The following COL13A1 variants were observed in gnomAD, a reference collection of about 807,000 sequenced individuals.
COL13A1 encodes collagen type XIII alpha 1 chain.
A neutral mutation model predicts 130.9 loss-of-function variants in COL13A1; 89 were observed. The ratio of observed to expected loss-of-function variants is 0.68; its 90% CI spans 0.57 to 0.81. The LOEUF is 0.81. COL13A1 is among the 30% of genes least tolerant of loss of function. The pLI, the probability that COL13A1 is intolerant of heterozygous loss-of-function variation, is 0.00. For missense variants in COL13A1, 879 were observed against 934.6 expected (o/e 0.94, Z 0.78); for synonymous variants, 402 against 341.6 (o/e 1.18, Z -1.95).
intron 17 of COL13A1, among the ~76,000 whole-genome samples, chr10:69,906,227 A>T (rs1357184126): frequency 6.6e-6 from 1 of 152,214 alleles, no homozygotes; most frequent in Non-Finnish European, 1.5e-5. Context: ...CAGCCTGAGA[A>T]CTCAACCTTG....
chr10:69,854,586 C>A (rs1033917752), intron 2 of COL13A1, among the ~76,000 whole-genome samples: 4 of 150,408 alleles, frequency 2.7e-5, no homozygotes, highest in Admixed American at 6.6e-5. Context: ...TGGTTCCTGT[C>A]ATTTCTGCTT....
At chr10:69,902,333 G>A (rs10999020) in intron 14 of COL13A1, among the ~76,000 whole-genome samples, 24,333 of 152,166 alleles carry the variant, frequency 0.16, 2,100 homozygotes, top group Admixed American at 0.24. Flanking sequence ...TGAGAGACTG[G>A]GGCTTAGGGA....
intron 23 of COL13A1, 97 bp from the exon 24 acceptor site, chr10:69,923,705 C>A: frequency 1.4e-6 from 2 of 1,468,672 alleles, no homozygotes; most frequent in East Asian, 5.0e-5. Context: ...AAGTCCAAGG[C>A]AACATCTAGG....
intron 40 of COL13A1, among the ~76,000 whole-genome samples, chr10:69,958,322 G>T (rs1431308656): frequency 6.6e-6 from 1 of 152,178 alleles, no homozygotes; most frequent in Non-Finnish European, 1.5e-5. Context: ...GCTTAGCAGG[G>T]GAAGAACAGC....
At chr10:69,894,407 C>G (rs1043195240) in intron 10 of COL13A1, 145 bp from the exon 11 acceptor site, 13 of 901,900 alleles carry the variant, frequency 1.4e-5, no homozygotes, top group Non-Finnish European at 2.2e-5. Context: ...AATAAGACAT[C>G]TTGAATGTGG....
intron 2 of COL13A1, among the ~76,000 whole-genome samples, chr10:69,854,847 C>T (rs1398586287): frequency 6.6e-6 from 1 of 152,110 alleles, no homozygotes; most frequent in Admixed American, 6.5e-5. Flanking sequence ...AGGTACTCAG[C>T]GCAGGGCTTG....
intron 14 of COL13A1, 35 bp from the exon 15 acceptor site, chr10:69,902,713 G>T (rs573195243): frequency 6.6e-7 from 1 of 1,520,458 alleles, no homozygotes; most frequent in Non-Finnish European, 8.9e-7. Flanking sequence ...AGCTCTGGGG[G>T]CCTTCCCTCT....
intron 6 of COL13A1, among the ~76,000 whole-genome samples, chr10:69,878,267 G>A (rs769056200): frequency 2.6e-5 from 4 of 152,166 alleles, no homozygotes; most frequent in Non-Finnish European, 2.9e-5. Context: ...CCTGGGCGGC[G>A]GTCCCAGCTT....
Position 69,898,744 on chromosome 10 carries a change from A to G in COL13A1, c.732A>G (p.Ile244Met), listed in dbSNP as rs767112542. 6.8e-6 allele frequency: 11 copies of G among 1,613,082 alleles called. No individual in the cohort carries two copies. In the South Asian group the frequency reaches 1.2e-4, roughly 18 times the overall value. ...TGCGACTGGCTCCACCCCCGGTCATAAAAAGGCGGACGTTCCAGGTAGACA... is the reference window on the plus strand; with the variant it reads ...TGCGACTGGCTCCACCCCCGGTCATGAAAAGGCGGACGTTCCAGGTAGACA... The part of the protein sequence containing the change: ...NSVRLAPPPV[I>M]KRRTFQGEQS... The change falls in exon 14 of 41, where the codon ATA becomes ATG. Residue 244 changes from isoleucine to methionine, a missense_variant. This residue lies in a region of COL13A1 where 715 missense variants were observed against 721.0 expected (regional missense o/e 0.99). Transcript: ENST00000645393.
chr10:69,898,224 G>A (rs149633609), intron 13 of COL13A1, among the ~76,000 whole-genome samples: 5 of 152,274 alleles, frequency 3.3e-5, no homozygotes, highest in South Asian at 4.2e-4. Context: ...TCACGGGCCC[G>A]GTGGTTCCCT....
At chr10:69,925,924 C>A in intron 26 of COL13A1, 52 bp downstream of exon 26, 3 of 1,449,688 alleles carry the variant, frequency 2.1e-6, no homozygotes, top group Non-Finnish European at 2.8e-6. Context: ...TCAGGCTCTG[C>A]ACCATGCCCT....
Position 69,888,330 on chromosome 10 carries a change from G to A in COL13A1, c.576G>A (p.Pro192=), listed in dbSNP as rs746638432. 14 of 1,612,446 alleles carry A rather than the reference G, an allele frequency of 8.7e-6. No homozygotes were observed. The highest frequency in any genetic ancestry group is 8.0e-5 in the African/African-American group (6 of 74,932). ...GTCCCATTGGGCTGGACGGCAAACC[G>A]GTAAGTGGACCCGCTCTCTCCCCTC... ...FPGPIGLDGK[P]GHPGPKGDMG... is the part of the protein sequence containing the mutation. Residue 192 remains proline (P), a splice_region_variant and synonymous_variant, in exon 9 of 41, where the codon CCG becomes CCA. Transcript: ENST00000645393.
chr10:69,922,822 GGA>G, intron 23 of COL13A1, 28 bp downstream of exon 23: 1 of 1,498,848 alleles, frequency 6.7e-7, no homozygotes, highest in Non-Finnish European at 9.0e-7. Flanking sequence ...TTGGTGTTGG[GGA>G]GGTGCTTACC....
intron 2 of COL13A1, among the ~76,000 whole-genome samples, chr10:69,849,593 T>C (rs958046300): frequency 6.6e-6 from 1 of 152,226 alleles, no homozygotes; most frequent in Non-Finnish European, 1.5e-5. Flanking sequence ...TCTGTGGGAC[T>C]CCCTGACCCT....
chr10:69,840,312 G>A (rs10998993), intron 2 of COL13A1, among the ~76,000 whole-genome samples: 11,467 of 152,176 alleles, frequency 0.075, 682 homozygotes, highest in East Asian at 0.18. Flanking sequence ...GAAGGAGCCC[G>A]GTGACTCGGT....
At chr10:69,840,107 C>T (rs572724459) in intron 2 of COL13A1, among the ~76,000 whole-genome samples, 1 of 152,110 alleles carries the variant, frequency 6.6e-6, no homozygotes, top group Non-Finnish European at 1.5e-5. Flanking sequence ...CGCTAGCAGG[C>T]CTTGCTGATG....
At chr10:69,815,452 G>A (rs140751158) in intron 1 of COL13A1, among the ~76,000 whole-genome samples, 2 of 152,168 alleles carry the variant, frequency 1.3e-5, no homozygotes, top group Non-Finnish European at 2.9e-5. Context: ...CTGCCAGCAG[G>A]GGCAAAACAG....
At chr10:69,839,302 G>A (rs1850947420) in intron 2 of COL13A1, among the ~76,000 whole-genome samples, 1 of 152,202 alleles carries the variant, frequency 6.6e-6, no homozygotes, top group Admixed American at 6.5e-5. Context: ...CCAGTGTAAT[G>A]AGAGAAATCA....
chr10:69,958,571 TCC>T, intron 40 of COL13A1, 126 bp from the exon 41 acceptor site: 2 of 1,437,330 alleles, frequency 1.4e-6, no homozygotes, highest in South Asian at 2.6e-5. Flanking sequence ...GGCTCAGGGT[TCC>T]CACAGTTCTC....
Sources: allele counts gnomAD v4.1 joint callset (sites outside exome capture counted in the v4.1 genomes callset), GRCh38; gene constraint gnomAD v4.1.1; regional missense constraint gnomAD v4.1.1; transcripts MANE v1.5; gene names NCBI Gene and HGNC (gene_info 2026-07-23, HGNC 2026-07-21).